The following GUCY1A2 variants were observed in gnomAD, a reference collection of about 807,000 sequenced individuals.
The protein encoded by GUCY1A2 is guanylate cyclase 1 soluble subunit alpha 2.
Under a neutral mutation model 63.5 loss-of-function variants are expected in GUCY1A2, and 27 were observed. The observed-to-expected ratio is 0.43, with a 90% CI of 0.31 to 0.59. The LOEUF is 0.59. Ranked by LOEUF, GUCY1A2 falls within the 20% of genes least tolerant of loss-of-function variation. The pLI is 0.11. For synonymous variants in GUCY1A2, 364 were observed against 343.5 expected, an observed-to-expected ratio of 1.06 and a Z score of -0.66; for missense variants, 768 against 913.3, an observed-to-expected ratio of 0.84 and a Z score of 2.05.
chr11:106,885,630 A>G (rs900724071), intron 4 of GUCY1A2, among the ~76,000 whole-genome samples: 4 of 152,202 alleles, frequency 2.6e-5, no homozygotes, highest in African/African-American at 9.6e-5. Flanking sequence ...TAGTTTCAAT[A>G]TCGAACCACA....
At chr11:106,917,266 T>C (rs1860381123) in intron 4 of GUCY1A2, among the ~76,000 whole-genome samples, 1 of 144,288 alleles carries the variant, frequency 6.9e-6, no homozygotes, top group Non-Finnish European at 1.6e-5. Flanking sequence ...AAGCAGCATA[T>C]TCAAAGGCCC....
At chr11:106,943,902 A>C (rs1860786391) in intron 3 of GUCY1A2, among the ~76,000 whole-genome samples, 1 of 151,906 alleles carries the variant, frequency 6.6e-6, no homozygotes, top group Non-Finnish European at 1.5e-5. Flanking sequence ...TTGAAGGGAG[A>C]CTTAAATAAA....
chr11:106,767,444 G>T (rs994058473), intron 6 of GUCY1A2, among the ~76,000 whole-genome samples: 6 of 151,958 alleles, frequency 3.9e-5, no homozygotes, highest in African/African-American at 7.2e-5. Context: ...AGGACTGCTT[G>T]GGAAATCTGT....
chr11:106,882,120 T>C (rs1591312741), intron 4 of GUCY1A2, among the ~76,000 whole-genome samples: 1 of 151,944 alleles, frequency 6.6e-6, no homozygotes, highest in Non-Finnish European at 1.5e-5. Context: ...TCACATTTTA[T>C]ATATTTTGCT....
At chr11:106,928,432 CCACTGCTTGT>C (rs1860557509) in intron 4 of GUCY1A2, among the ~76,000 whole-genome samples, 1 of 152,042 alleles carries the variant, frequency 6.6e-6, no homozygotes, top group Non-Finnish European at 1.5e-5. Flanking sequence ...GAATCAACTT[CCACTGCTTGT>C]CACCTACAAT....
intron 4 of GUCY1A2, among the ~76,000 whole-genome samples, chr11:106,908,573 CAGAG>C (rs1329073653): frequency 6.6e-6 from 1 of 151,596 alleles, no homozygotes; most frequent in African/African-American, 2.4e-5. Flanking sequence ...AAGGACTTTG[CAGAG>C]AGAGAGGATG....
chr11:106,965,239 G>A (rs1475156708), intron 3 of GUCY1A2, among the ~76,000 whole-genome samples: 2 of 152,072 alleles, frequency 1.3e-5, no homozygotes, highest in African/African-American at 2.4e-5. Context: ...GCATTTGTTG[G>A]CTAAGCGATT....
chr11:106,698,119 A>ATTTTTTTTTTTTTTTTTTT lies in GUCY1A2; in HGVS notation c.1991+10374_1992-10364dup, dbSNP rs71470827. Among the ~76,000 whole-genome samples, 206 of 100,476 alleles carry ATTTTTTTTTTTTTTTTTTT rather than the reference A, an allele frequency of 2.1e-3. 25 individuals are homozygous for ATTTTTTTTTTTTTTTTTTT. Among genetic ancestry groups the ATTTTTTTTTTTTTTTTTTT allele is most frequent in the Non-Finnish European group, 3.0e-3 (157 of 52,016 alleles). 65.9% of individuals were successfully genotyped at this position (100,476 alleles called of 152,430 possible). A position where few individuals can be genotyped will look rare whatever the true frequency, so the allele number is the denominator to read the frequency against. ...TTTACAGCTTTCACTGAATGTTAGA[A>ATTTTTTTTTTTTTTTTTTT]TTTTTTTTTTTTTTTTTTTAGACAG... On this transcript the variant is annotated intron_variant, in intron 7 of 7. Transcript: ENST00000526355.
In GUCY1A2 at chr11:106,939,772, A is replaced by G. The variant is rs758623951; in HGVS notation, c.894T>C (p.Asn298=). 6.2e-7 allele frequency: 1 copy of G among 1,613,988 alleles called. No individual in the cohort carries two copies. Among genetic ancestry groups the G allele is most frequent in the Non-Finnish European group, 8.5e-7 (1 of 1,179,868 alleles). Residue 298 remains asparagine (N), a synonymous_variant, in exon 4 of 8, where the codon AAT becomes AAC. Coordinates refer to ENST00000526355, the MANE Select transcript of GUCY1A2 (RefSeq NM_000855.3). ...GTGGAAGGTTCTTCATGATATTAGT[A>G]TTTTCACATTCTTTGATAAGGAAAG... The part of the protein sequence containing the change: ...CLTFLIKECE[N]TNIMKNLPQG...
chr11:106,870,734 T>C (rs1223848373), intron 4 of GUCY1A2, among the ~76,000 whole-genome samples: 4 of 152,176 alleles, frequency 2.6e-5, no homozygotes, highest in Non-Finnish European at 5.9e-5. Context: ...ACAAATCTAC[T>C]TACCTAGATT....
chr11:106,824,970 T>C (rs1858947799), intron 4 of GUCY1A2: 1 of 1,612,804 alleles, frequency 6.2e-7, no homozygotes. Flanking sequence ...TGAATGTTAC[T>C]AAATTTTCTA....
intron 6 of GUCY1A2, among the ~76,000 whole-genome samples, chr11:106,712,106 AT>A (rs1451284027): frequency 6.6e-6 from 1 of 151,604 alleles, no homozygotes; most frequent in African/African-American, 2.4e-5. Flanking sequence ...TTCTTTGAAT[AT>A]TTTTTTCTGT....
rs1195550502 is a variant in GUCY1A2 at position 106,687,584 on chromosome 11, T to C, written c.2164A>G (p.Ile722Val). 2 of 1,614,030 alleles carry C rather than the reference T, an allele frequency of 1.2e-6. No individual in the cohort carries two copies. The highest frequency in any genetic ancestry group is 4.5e-5 in the East Asian group (2 of 44,874). The change falls in exon 8 of 8, where the codon ATC (isoleucine) becomes GTC (valine). Residue 722 changes from isoleucine to valine, a missense_variant. By Grantham distance (29) the Ile-to-Val change is conservative. This residue lies in a region of GUCY1A2 where 150 missense variants were observed against 188.3 expected (regional missense o/e 0.80). Transcript: ENST00000526355. Reference sequence around the variant, plus strand: ...GTCTCCCGGAGGAACATGGTGCCGATGTTGTAGGAAACCTTTTTTATTCTC... The same window carrying C: ...GTCTCCCGGAGGAACATGGTGCCGACGTTGTAGGAAACCTTTTTTATTCTC... Reference protein sequence around the residue: ...SSRIKKVSYNIGTMFLRETSL With the variant: ...SSRIKKVSYNVGTMFLRETSL
At chr11:106,999,988 TAA>T (rs1180255166) in intron 1 of GUCY1A2, among the ~76,000 whole-genome samples, 1 of 152,166 alleles carries the variant, frequency 6.6e-6, no homozygotes, top group African/African-American at 2.4e-5. Context: ...AATAAGGAGA[TAA>T]AGTGCCTAAG....
intron 4 of GUCY1A2, among the ~76,000 whole-genome samples, chr11:106,811,781 T>C (rs1301700076): frequency 6.6e-6 from 1 of 152,098 alleles, no homozygotes; most frequent in East Asian, 1.9e-4. Context: ...CTTTTATTTA[T>C]ATTACTCTTA....
At chr11:106,847,231 CAA>C (rs57752458) in intron 4 of GUCY1A2, among the ~76,000 whole-genome samples, 1,853 of 141,446 alleles carry the variant, frequency 0.013, 26 homozygotes, top group South Asian at 0.048. Context: ...TTGCAAAACT[CAA>C]AAAAAAAAAT....
intron 4 of GUCY1A2, among the ~76,000 whole-genome samples, chr11:106,911,155 G>A (rs1311952867): frequency 6.6e-6 from 1 of 151,866 alleles, no homozygotes; most frequent in African/African-American, 2.4e-5. Flanking sequence ...GTAACATACT[G>A]AATACAAGCT....
At chr11:107,005,042 T>C (rs928060064) in intron 1 of GUCY1A2, among the ~76,000 whole-genome samples, 11 of 152,204 alleles carry the variant, frequency 7.2e-5, no homozygotes, top group Non-Finnish European at 1.3e-4. Context: ...ATAAAATTCA[T>C]GGAACACTAA....
intron 5 of GUCY1A2, among the ~76,000 whole-genome samples, chr11:106,795,781 C>CAA (rs1163268310): frequency 6.6e-6 from 1 of 152,120 alleles, no homozygotes; most frequent in Non-Finnish European, 1.5e-5. Context: ...TCATTTAAAA[C>CAA]TTATTAATAG....
Sources: allele counts gnomAD v4.1 joint callset (sites outside exome capture counted in the v4.1 genomes callset), GRCh38; gene constraint gnomAD v4.1.1; regional missense constraint gnomAD v4.1.1; transcripts MANE v1.5; gene names NCBI Gene and HGNC (gene_info 2026-07-23, HGNC 2026-07-21).